Variants in PISD observed in about 807,000 individuals in gnomAD.
PISD encodes the protein phosphatidylserine decarboxylase proenzyme, mitochondrial.
PISD carries 31 observed loss-of-function variants against 43.5 expected under a neutral mutation model. The ratio of observed to expected loss-of-function variants is 0.71; its 90% CI spans 0.54 to 0.96. The LOEUF is 0.96. Among genes scored for constraint, PISD ranks in the 40% least tolerant of loss-of-function variants. The pLI is 0.00. For missense variants in PISD, 523 were observed against 548.4 expected (o/e 0.95, Z 0.46); for synonymous variants, 259 against 228.7 (o/e 1.13, Z -1.20).
rs754079183 is a variant in PISD at position 31,621,369 on chromosome 22, G to C, written c.662C>G (p.Pro221Arg). 6.2e-7 allele frequency: 1 copy of C among 1,614,060 alleles called. No individual in the cohort carries two copies. The highest frequency in any genetic ancestry group is 2.2e-5 in the East Asian group (1 of 44,874). ...VTYSLESFLG[P>R]RMCTEDLPFP... is the part of the protein sequence containing the mutation. ...GGGCAGGTCCTCTGTGCACATACGC[G>C]GGCCCAGGAACGACTCCAGGGAGTA... The change falls in exon 5 of 8, where the codon CCG becomes CGG. Residue 221 changes from proline (P) to arginine (R), a missense_variant. Physicochemically the swap from Pro to Arg is moderately radical, Grantham distance 103. Coordinates refer to ENST00000439502, the MANE Select transcript of PISD (RefSeq NM_001326411.2).
intron 2 of PISD, among the ~76,000 whole-genome samples, chr22:31,649,427 A>G (rs1030618696): frequency 6.6e-6 from 1 of 152,114 alleles, no homozygotes; most frequent in African/African-American, 2.4e-5. Context: ...CTTTACAGAG[A>G]TTATCAAGTT....
intron 3 of PISD, chr22:31,638,256 C>T: frequency 2.2e-6 from 1 of 447,366 alleles, no homozygotes; most frequent in Non-Finnish European, 3.0e-6. Context: ...GGGCACAGCT[C>T]AGGCCCAAAG....
chr22:31,639,664 G>A (rs2073631061), intron 3 of PISD, among the ~76,000 whole-genome samples: 1 of 152,102 alleles, frequency 6.6e-6, no homozygotes, highest in South Asian at 2.1e-4. Flanking sequence ...ATGACTTTTG[G>A]GGACAAATAG....
intron 3 of PISD, chr22:31,627,991 G>T: frequency 1.0e-6 from 1 of 981,888 alleles, no homozygotes; most frequent in South Asian, 4.7e-5. Flanking sequence ...AGGCCAGGCT[G>T]GGGCACCGCA....
intron 3 of PISD, among the ~76,000 whole-genome samples, chr22:31,633,424 AC>A (rs2073288526): frequency 6.6e-6 from 1 of 152,056 alleles, no homozygotes; most frequent in African/African-American, 2.4e-5. Context: ...GTGTTTAAAA[AC>A]CCGTAAACCA....
At chr22:31,625,604 G>T in intron 3 of PISD, 1 of 834,764 alleles carries the variant, frequency 1.2e-6, no homozygotes, top group Non-Finnish European at 1.9e-6. Context: ...TCCGACTCAG[G>T]GTGCTCAGGC....
At chr22:31,628,255 G>A (rs1048566834) in intron 3 of PISD, 2 of 905,898 alleles carry the variant, frequency 2.2e-6, no homozygotes, top group Non-Finnish European at 2.6e-6. Flanking sequence ...CTGCCTTCTT[G>A]CTTCCCAAGG....
chr22:31,632,345 C>G lies in PISD; in HGVS notation c.322-10460G>C, dbSNP rs531570509. 3.3e-5 allele frequency: 16 copies of G among 482,426 alleles called. No individual in the cohort carries two copies. The East Asian group carries it at 1.7e-3, about 51-fold the overall frequency. 29.9% of individuals were successfully genotyped at this position (482,426 alleles called of 1,614,324 possible). ...CAGGGGTGAACAAGGCACAGTGCCA[C>G]CCCTAAGGGCCTCAGCATGTGGTAC... On this transcript the variant is annotated intron_variant, in intron 3 of 7. Transcript: ENST00000439502.
At chr22:31,659,490 C>G (rs16989378) in intron 1 of PISD, among the ~76,000 whole-genome samples, 1,761 of 152,216 alleles carry the variant, frequency 0.012, 34 homozygotes, top group African/African-American at 0.04. Flanking sequence ...TACTATTGTC[C>G]GTACTTGCCT....
At chr22:31,648,347 C>T in intron 2 of PISD, 71 bp from the exon 3 acceptor site, 1 of 1,368,074 alleles carries the variant, frequency 7.3e-7, no homozygotes, top group Non-Finnish European at 1.0e-6. Context: ...AACACAGCAC[C>T]AACAGGAGGG....
intron 1 of PISD, among the ~76,000 whole-genome samples, chr22:31,651,519 C>T (rs1347553767): frequency 2.0e-5 from 3 of 152,020 alleles, no homozygotes; most frequent in Non-Finnish European, 2.9e-5. Flanking sequence ...GAGGCCGAGG[C>T]GGGCAGATCA....
chr22:31,662,093 C>T, intron 1 of PISD, 51 bp downstream of exon 1: 2 of 1,509,214 alleles, frequency 1.3e-6, no homozygotes, highest in South Asian at 1.1e-5. Context: ...CAGACCCCAG[C>T]TTGGTCCAGG....
At chr22:31,647,624 C>T (rs191511458) in intron 3 of PISD, among the ~76,000 whole-genome samples, 12 of 152,312 alleles carry the variant, frequency 7.9e-5, no homozygotes, top group Admixed American at 3.9e-4. Context: ...CAAGATGTTT[C>T]ATTACGTATC....
intron 3 of PISD, among the ~76,000 whole-genome samples, chr22:31,637,132 AATAAATAAATT>A (rs1391926570): frequency 1.1e-4 from 10 of 92,140 alleles, no homozygotes; most frequent in African/African-American, 4.3e-4. Context: ...AAAAAATAAT[AATAAATAAATT>A]AAAAAAAAAA....
At chr22:31,662,020 G>A (rs988025810) in intron 1 of PISD, 124 bp downstream of exon 1, 4 of 820,102 alleles carry the variant, frequency 4.9e-6, no homozygotes, top group South Asian at 4.4e-5. Context: ...TCGAGGTGAA[G>A]GTGGCTCCGT....
chr22:31,638,187 C>T (rs1474418882), intron 3 of PISD, among the ~76,000 whole-genome samples: 2 of 152,192 alleles, frequency 1.3e-5, no homozygotes, highest in African/African-American at 2.4e-5. Flanking sequence ...ACCAGCCCTC[C>T]CCCAAGACCT....
chr22:31,650,360 T>TA (rs578197642), intron 2 of PISD, among the ~76,000 whole-genome samples: 108 of 151,554 alleles, frequency 7.1e-4, no homozygotes, highest in East Asian at 4.1e-3. Flanking sequence ...TTTGAAATAT[T>TA]AAAAAAACAA....
Position 31,618,607 on chromosome 22 carries a change from A to AG in PISD, c.*1004_*1005insC. On this transcript the variant is annotated 3_prime_UTR_variant, in exon 8 of 8. Coordinates refer to ENST00000439502, the MANE Select transcript of PISD (RefSeq NM_001326411.2). Reference sequence around the variant, plus strand: ...CTACTGATACAGTTGAAAAAATTCAATGATGTCTCTCCTGCAGGAGAAATT... The same window carrying AG: ...CTACTGATACAGTTGAAAAAATTCAAGTGATGTCTCTCCTGCAGGAGAAATT... 6 of 518,572 alleles carry AG rather than the reference A, an allele frequency of 1.2e-5. No individual in the cohort carries two copies. Among genetic ancestry groups the AG allele is most frequent in the Non-Finnish European group, 1.9e-5 (6 of 321,132 alleles). The allele number at this position is 518,572 out of a possible 1,614,324, so 32.1% of individuals were successfully genotyped here. A position where few individuals can be genotyped will look rare whatever the true frequency, so the allele number is the denominator to read the frequency against.
intron 3 of PISD, among the ~76,000 whole-genome samples, chr22:31,635,546 G>C (rs575916488): frequency 2.4e-4 from 36 of 152,230 alleles, no homozygotes; most frequent in African/African-American, 8.2e-4. Flanking sequence ...CAGGTGATCT[G>C]CCTGCCTCCC....
Sources: gnomAD v4.1 joint callset for allele counts (sites outside exome capture counted in the v4.1 genomes callset) on GRCh38, gnomAD v4.1.1 for gene constraint, MANE v1.5 for transcripts, NCBI Gene and HGNC (gene_info 2026-07-23, HGNC 2026-07-21) for gene names.